Variants in RNF185 observed in about 807,000 individuals in gnomAD.
RNF185 encodes ring finger protein 185, also known as E3 ubiquitin-protein ligase RNF185.
RNF185 carries 13 observed loss-of-function variants against 24.9 expected under a neutral mutation model. That is an observed-to-expected ratio of 0.52 (90% CI 0.34 to 0.83). The LOEUF (loss-of-function observed/expected upper bound fraction) is 0.83. RNF185 is among the 40% of genes least tolerant of loss of function. The pLI, the probability that RNF185 is intolerant of heterozygous loss-of-function variation, is 0.01. For synonymous variants in RNF185, 79 were observed against 90.3 expected, an observed-to-expected ratio of 0.88 and a Z score of 0.71; for missense variants, 184 against 244.7, an observed-to-expected ratio of 0.75 and a Z score of 1.65.
At chr22:31,160,971 A>G (rs1356582468) in intron 1 of RNF185, among the ~76,000 whole-genome samples, 2 of 152,196 alleles carry the variant, frequency 1.3e-5, no homozygotes, top group Non-Finnish European at 2.9e-5. Flanking sequence ...AGCACTAGAT[A>G]TCCATTCTTC....
rs1480006680 is a variant in RNF185, at chr22:31,205,393, A to G, written c.*807A>G. The G allele has an allele frequency of 6.0e-6, 1 of 166,376 alleles. No homozygotes were observed. Among genetic ancestry groups the G allele is most frequent in the Non-Finnish European group, 1.5e-5 (1 of 68,122 alleles). The allele number at this position is 166,376 out of a possible 1,614,324, so 10.3% of individuals were successfully genotyped here. ...CTCTGCCAGAGAACATACAGCCGAG[A>G]ATACTGCCGAAGCTGAGACTGACTA... On this transcript the variant is annotated 3_prime_UTR_variant, in exon 7 of 7. Coordinates refer to ENST00000326132, the MANE Select transcript of RNF185 (RefSeq NM_152267.4).
At chr22:31,197,915 T>TA (rs1377125035) in intron 5 of RNF185, among the ~76,000 whole-genome samples, 1 of 151,352 alleles carries the variant, frequency 6.6e-6, no homozygotes, top group Non-Finnish European at 1.5e-5. Flanking sequence ...GATTACTGGC[T>TA]AAAAAAAAAT....
rs1353448917 is a variant in RNF185 at position 31,161,489 on chromosome 22, T to G, written c.-49+1186T>G. On this transcript the variant is annotated intron_variant, in intron 1 of 6. Coordinates refer to ENST00000326132, the MANE Select transcript of RNF185 (RefSeq NM_152267.4). The stretch of plus-strand genomic sequence containing the variant: ...GTTGTCCTGTGCACCATCCTTCTTT[T>G]CAAGGACTTTGGAATGACCCAATAT... Among the ~76,000 whole-genome samples, 8 of 152,240 alleles carry G rather than the reference T, an allele frequency of 5.3e-5. No individual in the cohort carries two copies. The South Asian group carries it at 1.0e-3, about 20-fold the overall frequency.
At chr22:31,192,106 G>C (rs556334986) in intron 2 of RNF185, among the ~76,000 whole-genome samples, 1 of 152,268 alleles carries the variant, frequency 6.6e-6, no homozygotes, top group Non-Finnish European at 1.5e-5. Context: ...TGCTTTTAGA[G>C]TAGACCTGAA....
rs11298437 is a variant in RNF185, at chr22:31,198,394, C to CT, written c.363+1426dup. On this transcript the variant is annotated intron_variant, in intron 5 of 6. Transcript: ENST00000326132. ...ATGCTACAATAACCATCTTTGCACACTTTTTTTTTTTTTTTTTTTTTTGAG... is the reference window on the plus strand; with the variant it reads ...ATGCTACAATAACCATCTTTGCACACTTTTTTTTTTTTTTTTTTTTTTTGAG... Among the ~76,000 whole-genome samples the CT allele has an allele frequency of 2.5e-3, 242 of 96,890 alleles. 3 individuals are homozygous for CT. The highest frequency in any genetic ancestry group is 7.1e-3 in the Middle Eastern group (1 of 140). 63.6% of individuals were successfully genotyped at this position (96,890 alleles called of 152,430 possible).
At position 31,168,972 on chromosome 22, in the gene RNF185, G is replaced by A. The variant is rs142057052; in HGVS notation, c.-49+8669G>A. 1.7e-3 allele frequency among the ~76,000 whole-genome samples: 252 copies of A among 151,984 alleles called. 1 individual carries two copies. Among genetic ancestry groups the A allele is most frequent in the South Asian group, 5.2e-3 (25 of 4,804 alleles). On this transcript the variant is annotated intron_variant, in intron 1 of 6. Transcript: ENST00000326132. The stretch of plus-strand genomic sequence containing the variant: ...TTGCCCAGGCTGGAGTGCAGTGGTG[G>A]AATCTGGGCTCTGCAACCTCCACCT...
Position 31,165,397 on chromosome 22 carries a change from T to C in RNF185, c.-49+5094T>C, listed in dbSNP as rs1413106277. Among the ~76,000 whole-genome samples the C allele has an allele frequency of 2.0e-5, 3 of 152,326 alleles. No individual in the cohort carries two copies. The South Asian group carries it at 6.2e-4, about 32-fold the overall frequency. On this transcript the variant is annotated intron_variant, in intron 1 of 6. Coordinates refer to ENST00000326132, the MANE Select transcript of RNF185 (RefSeq NM_152267.4). ...GATGTTCTTATTGGCCATCTGCATA[T>C]CTTATTTGGAGAAATGTCTGTTTAG... is the stretch of plus-strand genomic sequence containing the variant.
intron 1 of RNF185, among the ~76,000 whole-genome samples, chr22:31,165,745 TAA>T (rs1923881073): frequency 1.3e-5 from 2 of 152,178 alleles, no homozygotes; most frequent in South Asian, 4.1e-4. Context: ...CAAGATATGA[TAA>T]GACTAGTCAG....
At chr22:31,164,861 CAG>C (rs1440753341) in intron 1 of RNF185, among the ~76,000 whole-genome samples, 1 of 151,972 alleles carries the variant, frequency 6.6e-6, no homozygotes, top group African/African-American at 2.4e-5. Flanking sequence ...TCTGGGATTA[CAG>C]GTGTGCCACC....
intron 2 of RNF185, among the ~76,000 whole-genome samples, chr22:31,189,659 G>A (rs2048137207): frequency 6.7e-6 from 1 of 148,384 alleles, no homozygotes; most frequent in Non-Finnish European, 1.5e-5. Context: ...AGGCTGGAGT[G>A]CAGTGGCACA....
chr22:31,181,035 T>C (rs977802284), intron 1 of RNF185, among the ~76,000 whole-genome samples: 3 of 152,042 alleles, frequency 2.0e-5, no homozygotes, highest in African/African-American at 7.2e-5. Context: ...AATAAGTTTA[T>C]ATACATACTC....
intron 2 of RNF185, among the ~76,000 whole-genome samples, chr22:31,191,071 C>T (rs958992314): frequency 1.1e-4 from 17 of 152,234 alleles, no homozygotes. Flanking sequence ...CTCTGTGATG[C>T]TCACAATGAT....
intron 6 of RNF185, 57 bp from the exon 7 acceptor site, chr22:31,204,432 G>A (rs1193075420): frequency 2.9e-6 from 3 of 1,019,644 alleles, no homozygotes; most frequent in Non-Finnish European, 4.7e-6. Flanking sequence ...GCCTGAGTGG[G>A]CAGTGTGCAT....
intron 1 of RNF185, among the ~76,000 whole-genome samples, chr22:31,184,423 C>T (rs1486157476): frequency 6.6e-6 from 1 of 151,856 alleles, no homozygotes; most frequent in Admixed American, 6.6e-5. Context: ...GCGCTCCTCA[C>T]TTCCCAGACT....
intron 6 of RNF185, 58 bp downstream of exon 6, chr22:31,201,673 C>T (rs200847940): frequency 1.5e-4 from 189 of 1,239,226 alleles, no homozygotes; most frequent in East Asian, 2.1e-4. Flanking sequence ...TGCTTGAAAG[C>T]TCCTTGGAAT....
At chr22:31,169,015 A>T (rs947619492) in intron 1 of RNF185, among the ~76,000 whole-genome samples, 3 of 151,794 alleles carry the variant, frequency 2.0e-5, no homozygotes, top group Non-Finnish European at 1.5e-5. Flanking sequence ...TCAAGCAATT[A>T]TCTTGCCTCA....
chr22:31,206,469 C>T lies in RNF185; in HGVS notation c.*1883C>T, dbSNP rs1413822219. 1.3e-5 allele frequency: 2 copies of T among 152,174 alleles called. No individual in the cohort carries two copies. Among genetic ancestry groups the T allele is most frequent in the African/African-American group, 2.4e-5 (1 of 41,424 alleles). 9.4% of individuals were successfully genotyped at this position (152,174 alleles called of 1,614,324 possible). A position where few individuals can be genotyped will look rare whatever the true frequency, so the allele number is the denominator to read the frequency against. ...AGAATTGGTGGGACCCCCCTCAGTGCAGTGGCCCCAACTAGTGGAGGGAGA... is the reference window on the plus strand; with the variant it reads ...AGAATTGGTGGGACCCCCCTCAGTGTAGTGGCCCCAACTAGTGGAGGGAGA... On this transcript the variant is annotated 3_prime_UTR_variant, in exon 7 of 7. Transcript: ENST00000326132.
At chr22:31,173,416 G>GACACACACACACAC (rs55812227) in intron 1 of RNF185, among the ~76,000 whole-genome samples, 9,849 of 146,830 alleles carry the variant, frequency 0.067, 441 homozygotes, top group South Asian at 0.12. Context: ...CACACACACA[G>GACACACACACACAC]ACACACACAC....
intron 1 of RNF185, among the ~76,000 whole-genome samples, chr22:31,170,401 A>AG (rs1168550222): frequency 6.6e-6 from 1 of 152,088 alleles, no homozygotes; most frequent in Admixed American, 6.6e-5. Context: ...CATGTTAGCC[A>AG]GATGGTCTCG....
Sources: allele counts gnomAD v4.1 joint callset (sites outside exome capture counted in the v4.1 genomes callset), GRCh38; gene constraint gnomAD v4.1.1; transcripts MANE v1.5; gene names NCBI Gene and HGNC (gene_info 2026-07-23, HGNC 2026-07-21).